The following EYA2 variants were observed in gnomAD, a reference collection of about 807,000 sequenced individuals.
EYA2 encodes EYA transcriptional coactivator and phosphatase 2.
EYA2 carries 31 observed loss-of-function variants against 69.2 expected under a neutral mutation model. The ratio of observed to expected loss-of-function variants is 0.45; its 90% CI spans 0.34 to 0.60. The LOEUF is 0.60. Ranked by LOEUF, EYA2 falls within the 20% of genes least tolerant of loss-of-function variation. The pLI is 0.02. For missense variants in EYA2, 622 were observed against 701.2 expected (o/e 0.89, Z 1.28); for synonymous variants, 257 against 279.4 (o/e 0.92, Z 0.80).
At chr20:47,166,567 C>CCCA (rs2034200771) in intron 10 of EYA2, among the ~76,000 whole-genome samples, 1 of 152,050 alleles carries the variant, frequency 6.6e-6, no homozygotes, top group South Asian at 2.1e-4. Flanking sequence ...AGCTCAGAGT[C>CCCA]CCACGTGCTT....
intron 5 of EYA2, among the ~76,000 whole-genome samples, chr20:47,067,107 CAA>C (rs1477847930): frequency 6.6e-6 from 1 of 152,300 alleles, no homozygotes; most frequent in Middle Eastern, 3.4e-3. Flanking sequence ...TGAAAATAAA[CAA>C]GAGACTATTT....
intron 2 of EYA2, among the ~76,000 whole-genome samples, chr20:47,000,712 A>G (rs1406141604): frequency 6.6e-6 from 1 of 152,094 alleles, no homozygotes; most frequent in Non-Finnish European, 1.5e-5. Context: ...CCTCCCATCA[A>G]TGATTGGACA....
intron 1 of EYA2, among the ~76,000 whole-genome samples, chr20:46,912,261 C>T (rs779499508): frequency 5.7e-4 from 87 of 152,154 alleles, no homozygotes; most frequent in Non-Finnish European, 9.9e-4. Context: ...CGTGGTCTAC[C>T]ATGGAAACTC....
At chr20:47,111,507 C>G (rs1179519970) in intron 9 of EYA2, among the ~76,000 whole-genome samples, 2 of 152,164 alleles carry the variant, frequency 1.3e-5, no homozygotes, top group Non-Finnish European at 2.9e-5. Context: ...CATGGGGTCT[C>G]TCATCCTCCA....
intron 1 of EYA2, among the ~76,000 whole-genome samples, chr20:46,937,258 T>A (rs1193685374): frequency 6.6e-6 from 1 of 152,204 alleles, no homozygotes; most frequent in East Asian, 1.9e-4. Context: ...CGTCATACAT[T>A]TTTAATTTAC....
chr20:46,901,588 C>A (rs1267432833), intron 1 of EYA2: 1 of 152,140 alleles, frequency 6.6e-6, no homozygotes, highest in Non-Finnish European at 1.5e-5. Context: ...AGGTTATTTT[C>A]TTTTGTGGGT....
intron 10 of EYA2, among the ~76,000 whole-genome samples, chr20:47,158,177 C>T (rs2033994204): frequency 6.6e-6 from 1 of 151,928 alleles, no homozygotes; most frequent in Non-Finnish European, 1.5e-5. Flanking sequence ...TCGTAACACA[C>T]CTGCAAGCAG....
At chr20:46,896,237 T>C (rs1983805451) in intron 1 of EYA2, among the ~76,000 whole-genome samples, 1 of 152,126 alleles carries the variant, frequency 6.6e-6, no homozygotes, top group Non-Finnish European at 1.5e-5. Context: ...CAAAGGAAAT[T>C]ATAACCAGTG....
intron 5 of EYA2, chr20:47,071,846 T>G (rs1365067724): frequency 8.5e-6 from 2 of 235,474 alleles, no homozygotes; most frequent in Non-Finnish European, 1.7e-5. Context: ...AACCTGGCTC[T>G]TGGGTCTGGG....
intron 5 of EYA2, among the ~76,000 whole-genome samples, chr20:47,044,612 C>T (rs182635698): frequency 1.3e-5 from 2 of 152,268 alleles, no homozygotes; most frequent in South Asian, 2.1e-4. Flanking sequence ...GTTCATTCAG[C>T]GATCACATTT....
intron 9 of EYA2, chr20:47,117,429 G>C (rs1211110396): frequency 1.5e-5 from 15 of 985,318 alleles, no homozygotes; most frequent in Non-Finnish European, 1.8e-5. Flanking sequence ...GCCAGGTCGA[G>C]AGAGCATGAC....
rs1350917348 is a variant in EYA2, at chr20:47,183,183, G to A, written c.1436-108G>A. The stretch of plus-strand genomic sequence containing the variant: ...GCTCAAGAACGAAATGATGAATACC[G>A]GGCCTTTGGGAGCACAGCTGCAGGC... On this transcript the variant is annotated intron_variant, in intron 14 of 15. Coordinates refer to ENST00000327619, the MANE Select transcript of EYA2 (RefSeq NM_005244.5). 9 of 929,210 alleles carry A rather than the reference G, an allele frequency of 9.7e-6. No individual in the cohort carries two copies. In the East Asian group the frequency reaches 9.7e-5, roughly 10 times the overall value. 57.6% of individuals were successfully genotyped at this position (929,210 alleles called of 1,614,324 possible). A position where few individuals can be genotyped will look rare whatever the true frequency, so the allele number is the denominator to read the frequency against.
chr20:46,980,567 A>C (rs1980768468), intron 1 of EYA2, among the ~76,000 whole-genome samples: 1 of 152,248 alleles, frequency 6.6e-6, no homozygotes, highest in Non-Finnish European at 1.5e-5. Flanking sequence ...AATCAGCATA[A>C]TTGGGATTTC....
chr20:46,951,036 A>G (rs1490604416), intron 1 of EYA2, among the ~76,000 whole-genome samples: 1 of 152,206 alleles, frequency 6.6e-6, no homozygotes, highest in East Asian at 1.9e-4. Context: ...CACATATGCC[A>G]GAAAGAGCCT....
chr20:47,018,935 A>G (rs1052644825), intron 5 of EYA2, among the ~76,000 whole-genome samples: 1 of 152,154 alleles, frequency 6.6e-6, no homozygotes, highest in Non-Finnish European at 1.5e-5. Flanking sequence ...GAACTGTCCT[A>G]ATGTCTGCAC....
chr20:46,939,105 G>A (rs1986042900), intron 1 of EYA2, among the ~76,000 whole-genome samples: 1 of 152,190 alleles, frequency 6.6e-6, no homozygotes, highest in South Asian at 2.1e-4. Context: ...GGCCAATTCT[G>A]ATGCCCCAGC....
At chr20:46,929,152 C>CA (rs11329475) in intron 1 of EYA2, among the ~76,000 whole-genome samples, 1,606 of 98,118 alleles carry the variant, frequency 0.016, 11 homozygotes, top group South Asian at 0.036. Context: ...ATAAGTTGTG[C>CA]AAAAAAAAAA....
chr20:47,097,297 G>A, intron 9 of EYA2, 129 bp downstream of exon 9: 1 of 667,208 alleles, frequency 1.5e-6, no homozygotes, highest in Non-Finnish European at 2.5e-6. Context: ...TTTGGGGTCA[G>A]CCCAGGTTTA....
At chr20:47,047,753 A>G (rs2030120337) in intron 5 of EYA2, among the ~76,000 whole-genome samples, 1 of 151,726 alleles carries the variant, frequency 6.6e-6, no homozygotes, top group Non-Finnish European at 1.5e-5. Flanking sequence ...ACAAAGTGCC[A>G]CACAGTTAAT....
Sources: gnomAD v4.1 joint callset for allele counts (sites outside exome capture counted in the v4.1 genomes callset) on GRCh38, gnomAD v4.1.1 for gene constraint, MANE v1.5 for transcripts, NCBI Gene and HGNC (gene_info 2026-07-23, HGNC 2026-07-21) for gene names.